LCOR: variants seen among roughly 807,000 people sequenced by gnomAD.
LCOR encodes ligand-dependent corepressor.
LCOR carries 14 observed loss-of-function variants against 64.4 expected under a neutral mutation model. The observed-to-expected ratio is 0.22, with a 90% confidence interval of 0.14 to 0.34. The LOEUF (loss-of-function observed/expected upper bound fraction) is 0.34, where lower values mean the gene tolerates loss of function less well. Ranked by LOEUF, LCOR falls within the 10% of genes least tolerant of loss-of-function variation. The pLI is 1.00. For synonymous variants in LCOR, 643 were observed against 642.5 expected (o/e 1.00, Z -0.01); for missense variants, 1,686 against 1,765.3 (o/e 0.96, Z 0.80).
intron 4 of LCOR, among the ~76,000 whole-genome samples, chr10:96,922,217 T>A (rs1847092803): frequency 6.6e-6 from 1 of 151,672 alleles, no homozygotes; most frequent in Non-Finnish European, 1.5e-5. Flanking sequence ...TTTCCTAAGT[T>A]TTTTTTTTCT....
chr10:96,841,477 T>C (rs941891787), intron 2 of LCOR, among the ~76,000 whole-genome samples: 10 of 151,814 alleles, frequency 6.6e-5, no homozygotes, highest in African/African-American at 2.4e-4. Context: ...TATCTTGCCT[T>C]AGCCTCCCGA....
In LCOR at chr10:96,849,011, G is replaced by GTTT. The variant is rs144865916; in HGVS notation, c.-330+15546_-330+15548dup. ...AAATAAGTGTATATGAGTTGAAAAT[G>GTTT]TTTTTTTTTTTTTTTTGAGACAGAT... On this transcript the variant is annotated intron_variant, in intron 2 of 7. Coordinates refer to ENST00000421806, the MANE Select transcript of LCOR (RefSeq NM_001346516.2). Among the ~76,000 whole-genome samples, 35 of 106,524 alleles carry GTTT rather than the reference G, an allele frequency of 3.3e-4. 1 individual carries two copies. The highest frequency in any genetic ancestry group is 1.5e-3 in the East Asian group (5 of 3,230). The allele number at this position is 106,524 out of a possible 152,430, so 69.9% of individuals were successfully genotyped here. A position where few individuals can be genotyped will look rare whatever the true frequency, so the allele number is the denominator to read the frequency against.
rs375676129 is a variant in LCOR at position 96,912,607 on chromosome 10, T to TCTTCCTTCCTTTCTTCCTTCCTTC, written c.-184+4871_-184+4872insTCTTCCTTCCTTCCTTCCTTCCTT. Among the ~76,000 whole-genome samples, 11 of 140,390 alleles carry TCTTCCTTCCTTTCTTCCTTCCTTC rather than the reference T, an allele frequency of 7.8e-5. No individual in the cohort carries two copies. The East Asian group carries it at 2.1e-3, about 27-fold the overall frequency. 92.1% of individuals were successfully genotyped at this position (140,390 alleles called of 152,430 possible). ...TCTGTAAGATCTTCCTTTCTTCCTTTCTTCCTTCCTTCCTTCCTTCCTTCC... is the reference window on the plus strand; with the variant it reads ...TCTGTAAGATCTTCCTTTCTTCCTTTCTTCCTTCCTTTCTTCCTTCCTTCCTTCCTTCCTTCCTTCCTTCCTTCC... On this transcript the variant is annotated intron_variant, in intron 4 of 7. Coordinates refer to ENST00000421806, the MANE Select transcript of LCOR (RefSeq NM_001346516.2).
rs146554631 is a variant in LCOR, at chr10:96,971,554, T to A, written c.333-9239T>A. Among the ~76,000 whole-genome samples, 596 of 152,144 alleles carry A rather than the reference T, an allele frequency of 3.9e-3. 1 individual carries two copies. The highest frequency in any genetic ancestry group is 7.0e-3 in the Non-Finnish European group (474 of 68,010). On this transcript the variant is annotated intron_variant, in intron 7 of 7. Coordinates refer to ENST00000421806, the MANE Select transcript of LCOR (RefSeq NM_001346516.2). ...TTTAACAAAAGATACAAGCAGACTG[T>A]GAGAGTAGAGGAGAAACTACCTAAT... is the stretch of plus-strand genomic sequence containing the variant.
At chr10:96,920,572 ATATT>A (rs1194629019) in intron 4 of LCOR, among the ~76,000 whole-genome samples, 1 of 146,918 alleles carries the variant, frequency 6.8e-6, no homozygotes, top group Non-Finnish European at 1.5e-5. Flanking sequence ...ATATGTATGT[ATATT>A]CATATATATG....
chr10:96,859,232 T>C (rs1031534157), intron 2 of LCOR, among the ~76,000 whole-genome samples: 3 of 152,170 alleles, frequency 2.0e-5, no homozygotes, highest in Admixed American at 1.3e-4. Context: ...ATGGTAAAGA[T>C]GGTCAGTGGC....
intron 2 of LCOR, among the ~76,000 whole-genome samples, chr10:96,834,524 A>G (rs547910525): frequency 7.6e-4 from 115 of 152,312 alleles, no homozygotes; most frequent in African/African-American, 2.6e-3. Flanking sequence ...ATTTCGGACT[A>G]TCATAGAAGA....
intron 7 of LCOR, chr10:96,962,201 T>G (rs1847892654): frequency 6.6e-6 from 1 of 151,988 alleles, no homozygotes; most frequent in Non-Finnish European, 1.5e-5. Flanking sequence ...TCATTTTCTC[T>G]TGTTAAGCAT....
At position 96,981,200 on chromosome 10, in the gene LCOR, C is replaced by A. The variant is rs761602984; in HGVS notation, c.740C>A (p.Ser247Tyr). ...ENALTVVQKD[S>Y]SELPTTKSNS... ...GCCTTGACTGTTGTCCAGAAAGATTCCTCTGAACTTCCAACCACTAAATCG... is the reference window on the plus strand; with the variant it reads ...GCCTTGACTGTTGTCCAGAAAGATTACTCTGAACTTCCAACCACTAAATCG... The change falls in exon 8 of 8, where the codon TCC (serine) becomes TAC (tyrosine). Residue 247 changes from serine to tyrosine, a missense_variant. By Grantham distance (144) the Ser-to-Tyr change is moderately radical. Transcript: ENST00000421806. 2.7e-6 allele frequency: 2 copies of A among 747,274 alleles called. No homozygotes were observed. The highest frequency in any genetic ancestry group is 2.9e-5 in the South Asian group (2 of 68,484). 46.3% of individuals were successfully genotyped at this position (747,274 alleles called of 1,614,324 possible).
intron 4 of LCOR, among the ~76,000 whole-genome samples, chr10:96,923,090 T>G (rs1320916311): frequency 6.6e-6 from 1 of 152,220 alleles, no homozygotes; most frequent in Admixed American, 6.5e-5. Flanking sequence ...GTATGGACAT[T>G]TAAATGGTGG....
At chr10:96,849,339 C>T (rs1219976253) in intron 2 of LCOR, among the ~76,000 whole-genome samples, 1 of 152,038 alleles carries the variant, frequency 6.6e-6, no homozygotes, top group East Asian at 1.9e-4. Context: ...TCCCAAAATG[C>T]TGGGATTACA....
chr10:96,935,139 CTTTTTTTTTTTTT>C (rs34176037), intron 4 of LCOR, among the ~76,000 whole-genome samples: 12 of 65,556 alleles, frequency 1.8e-4, no homozygotes, highest in African/African-American at 4.5e-4. Flanking sequence ...GGCTATTTTA[CTTTTTTTTTTTTT>C]TTTTTTTTTT....
intron 2 of LCOR, among the ~76,000 whole-genome samples, chr10:96,876,126 T>C (rs1440467027): frequency 6.6e-6 from 1 of 152,144 alleles, no homozygotes; most frequent in Non-Finnish European, 1.5e-5. Context: ...CTGGGTAATA[T>C]ATAAAGAAAA....
At chr10:96,952,695 C>T (rs1310627775) in intron 7 of LCOR, among the ~76,000 whole-genome samples, 2 of 151,968 alleles carry the variant, frequency 1.3e-5, no homozygotes, top group East Asian at 1.9e-4. Flanking sequence ...GATGCATAAC[C>T]ATCTTAGGCT....
intron 4 of LCOR, among the ~76,000 whole-genome samples, chr10:96,933,086 A>T (rs1847290696): frequency 6.6e-6 from 1 of 152,224 alleles, no homozygotes; most frequent in African/African-American, 2.4e-5. Context: ...TAAGAAAGAA[A>T]ATCCTAATAT....
chr10:96,969,027 C>T (rs1237585751), intron 7 of LCOR, among the ~76,000 whole-genome samples: 1 of 152,044 alleles, frequency 6.6e-6, no homozygotes, highest in Non-Finnish European at 1.5e-5. Flanking sequence ...GTTTTCTTAT[C>T]TGTAAAAGAG....
intron 2 of LCOR, among the ~76,000 whole-genome samples, chr10:96,892,334 A>G (rs890677234): frequency 2.0e-5 from 3 of 152,120 alleles, no homozygotes; most frequent in African/African-American, 4.8e-5. Flanking sequence ...TCATTATATA[A>G]TGTCCTTTGT....
chr10:96,957,711 T>C, intron 7 of LCOR: 1 of 985,360 alleles, frequency 1.0e-6, no homozygotes, highest in Admixed American at 6.1e-5. Context: ...TTAAATTAGG[T>C]TAAGTTTTCC....
intron 4 of LCOR, among the ~76,000 whole-genome samples, chr10:96,942,303 C>T (rs1230277311): frequency 6.6e-6 from 1 of 152,084 alleles, no homozygotes; most frequent in Non-Finnish European, 1.5e-5. Context: ...ACCAGTCAGG[C>T]GTGGCGGCGC....
Sources: allele counts gnomAD v4.1 joint callset (sites outside exome capture counted in the v4.1 genomes callset), GRCh38; gene constraint gnomAD v4.1.1; transcripts MANE v1.5; gene names NCBI Gene and HGNC (gene_info 2026-07-23, HGNC 2026-07-21).